Variants in CYP4F8 observed in about 807,000 individuals in gnomAD.
The protein encoded by CYP4F8 is cytochrome P450 family 4 subfamily F member 8.
Under a neutral mutation model 55.0 loss-of-function variants are expected in CYP4F8, and 56 were observed. The observed-to-expected ratio is 1.02, with a 90% CI of 0.82 to 1.27. CYP4F8 has a LOEUF of 1.27. Ranked by LOEUF, CYP4F8 falls within the 50% of genes most tolerant of loss-of-function variation. The probability of loss-of-function intolerance (pLI) is 0.00; values close to 1 mark genes in which losing one functional copy is unlikely to be tolerated. For missense variants in CYP4F8, 680 were observed against 682.4 expected (o/e 1.00, Z 0.04); for synonymous variants, 288 against 267.3 (o/e 1.08, Z -0.76).
intron 2 of CYP4F8, among the ~76,000 whole-genome samples, chr19:15,617,106 C>T (rs911894954): frequency 6.6e-6 from 1 of 152,156 alleles, no homozygotes; most frequent in Non-Finnish European, 1.5e-5. Flanking sequence ...TGGGGACCAG[C>T]CCTGGGGACA....
intron 5 of CYP4F8, 44 bp downstream of exon 5, chr19:15,619,806 G>A: frequency 6.2e-7 from 1 of 1,604,502 alleles, no homozygotes; most frequent in Non-Finnish European, 8.5e-7. Flanking sequence ...CCTTGGGGTG[G>A]AGGGATCACA....
chr19:15,629,125 G>T (rs2239365), intron 12 of CYP4F8, 68 bp from the exon 13 acceptor site: 2 of 1,502,944 alleles, frequency 1.3e-6, no homozygotes, highest in East Asian at 2.5e-5. Context: ...TTCCGGGCCT[G>T]GTTCCTGGCG....
In CYP4F8 at chr19:15,628,397, A is replaced by G. The variant is rs777776596; in HGVS notation, c.1211A>G (p.Gln404Arg). ...CCTACATTCGCCCGCGGCTGCACCC[A>G]GGACGTGGTGCTCCCAGACAGCCGA... ...PIPTFARGCT[Q>R]DVVLPDSRVI... Residue 404 changes from glutamine (Q) to arginine (R), a missense_variant, in exon 10 of 13, where the codon CAG (glutamine) becomes CGG (arginine). Gln to Arg is a conservative substitution (Grantham distance 43). Transcript: ENST00000612078. 6 of 1,614,002 alleles carry G rather than the reference A, an allele frequency of 3.7e-6. No individual in the cohort carries two copies. In the Admixed American group the frequency reaches 6.7e-5, roughly 18 times the overall value.
intron 5 of CYP4F8, among the ~76,000 whole-genome samples, chr19:15,620,147 A>C (rs766775207): frequency 1.6e-4 from 24 of 152,228 alleles, no homozygotes; most frequent in Non-Finnish European, 3.1e-4. Context: ...GCCCTTCTGC[A>C]TGTGGATAGG....
intron 3 of CYP4F8, 156 bp downstream of exon 3, chr19:15,618,300 C>T (rs1183415245): frequency 4.4e-6 from 5 of 1,136,104 alleles, no homozygotes; most frequent in Non-Finnish European, 6.5e-6. Context: ...TAGTCACCAA[C>T]CCCAACCTCA....
rs1972219165 is a variant in CYP4F8, at chr19:15,623,287, C to T, written c.830C>T (p.Thr277Ile). The T allele has an allele frequency of 1.2e-6, 2 of 1,613,912 alleles. No homozygotes were observed. Among genetic ancestry groups the T allele is most frequent in the Admixed American group, 3.3e-5 (2 of 60,000 alleles). Residue 277 changes from threonine (T) to isoleucine (I), a missense_variant, in exon 7 of 13, where the codon ACC becomes ATC. Transcript: ENST00000612078. The part of the protein sequence containing the change: ...TDAVIQERRR[T>I]LTSQGVDDFL... ...GCCGTCATCCAGGAGCGGCGCCGCA[C>T]CCTCACTAGCCAGGGTGTTGATGAC... is the stretch of plus-strand genomic sequence containing the variant.
chr19:15,625,496 A>G (rs986582415), intron 9 of CYP4F8, among the ~76,000 whole-genome samples: 6 of 151,536 alleles, frequency 4.0e-5, no homozygotes, highest in African/African-American at 1.2e-4. Flanking sequence ...GCATGTATGT[A>G]TATATATGGT....
chr19:15,628,295 TCCTTAGGGACGA>T lies in CYP4F8; in HGVS notation c.1116-3_1124del, dbSNP rs780690667. 2 of 1,613,912 alleles carry T rather than the reference TCCTTAGGGACGA, an allele frequency of 1.2e-6. No individual in the cohort carries two copies. ...GCTCTCTGGATAATTGTTGGGTGTTTCCTTAGGGACGACCTGGCCCAGTTGCCCTTCCTGACC... is the reference window on the plus strand; with the variant it reads ...GCTCTCTGGATAATTGTTGGGTGTTTCCTGGCCCAGTTGCCCTTCCTGACC... On this transcript the variant is annotated splice_acceptor_variant and splice_polypyrimidine_tract_variant and coding_sequence_variant and intron_variant, in exon 10 of 13. Coordinates refer to ENST00000612078, the MANE Select transcript of CYP4F8 (RefSeq NM_007253.4). LOFTEE classifies it high-confidence loss of function.
At chr19:15,615,567 C>T (rs1336072267) in intron 1 of CYP4F8, 49 bp from the exon 2 acceptor site, 1 of 1,590,626 alleles carries the variant, frequency 6.3e-7, no homozygotes, top group East Asian at 2.3e-5. Context: ...GCTCCCCAGC[C>T]CCTTTCCTAG....
At chr19:15,616,093 TTCTCCTCACTCATTCC>T (rs1417768072) in intron 2 of CYP4F8, among the ~76,000 whole-genome samples, 779 of 49,744 alleles carry the variant, frequency 0.016, no homozygotes, top group Middle Eastern at 0.026. Context: ...CATTCACTCA[TTCTCCTCACTCATTCC>T]TCTCCTCACT....
intron 3 of CYP4F8, 100 bp downstream of exon 3, chr19:15,618,244 C>G: frequency 3.2e-6 from 5 of 1,556,156 alleles, no homozygotes; most frequent in Non-Finnish European, 4.4e-6. Context: ...GTACTCAGCC[C>G]CTTCCTTCCT....
At chr19:15,622,894 GA>G (rs1432566613) in intron 6 of CYP4F8, 1 of 601,126 alleles carries the variant, frequency 1.7e-6, no homozygotes, top group Admixed American at 3.0e-5. Flanking sequence ...TGTTTTATAA[GA>G]CAGAGAGAGG....
chr19:15,622,053 A>G (rs1972200445), intron 5 of CYP4F8, 166 bp from the exon 6 acceptor site: 1 of 842,916 alleles, frequency 1.2e-6, no homozygotes, highest in Admixed American at 3.2e-5. Flanking sequence ...ATCTCCTAAT[A>G]GTAACAGCTT....
intron 12 of CYP4F8, 85 bp downstream of exon 12, chr19:15,628,928 C>G (rs927422065): frequency 2.1e-6 from 3 of 1,426,208 alleles, no homozygotes; most frequent in African/African-American, 2.9e-5. Context: ...TGTAGGACCA[C>G]GTGTTTCTGT....
Position 15,615,693 on chromosome 19 carries a change from G to T in CYP4F8, c.77G>T (p.Gly26Val). The change falls in exon 2 of 13, where the codon GGG (glycine) becomes GTG (valine). Residue 26 changes from glycine to valine, a missense_variant. By Grantham distance (109) the Gly-to-Val change is moderately radical. Coordinates refer to ENST00000612078, the MANE Select transcript of CYP4F8 (RefSeq NM_007253.4). ...CCGTGGCTGCTCCTGCTGGTGGTCG[G>T]GGCCTCCTGGCTCCTGGCCCGCATC... ...ASPWLLLLVV[G>V]ASWLLARILA... The T allele has an allele frequency of 6.2e-7, 1 of 1,614,014 alleles. No homozygotes were observed.
At chr19:15,620,754 C>T (rs1599859196) in intron 5 of CYP4F8, among the ~76,000 whole-genome samples, 1 of 152,136 alleles carries the variant, frequency 6.6e-6, no homozygotes, top group South Asian at 2.1e-4. Context: ...AAAAGTAAAA[C>T]GTCCACCATG....
chr19:15,623,194 T>A lies in CYP4F8; in HGVS notation c.737T>A (p.Leu246Gln), dbSNP rs2144607299. ...NNQFFRYKDF[L>Q]YFLTPCGRRF... ...CAGTTCTTCCGGTACAAGGACTTCC[T>A]GTACTTCCTCACTCCCTGTGGACGG... Residue 246 changes from leucine (L) to glutamine (Q), a missense_variant, in exon 7 of 13, where the codon CTG becomes CAG. Leu to Gln is a moderately radical substitution (Grantham distance 113). Coordinates refer to ENST00000612078, the MANE Select transcript of CYP4F8 (RefSeq NM_007253.4). The A allele has an allele frequency of 6.2e-7, 1 of 1,614,134 alleles. No homozygotes were observed. The highest frequency in any genetic ancestry group is 2.2e-5 in the East Asian group (1 of 44,850).
intron 5 of CYP4F8, 117 bp downstream of exon 5, chr19:15,619,879 G>A: frequency 1.5e-6 from 2 of 1,312,918 alleles, no homozygotes; most frequent in South Asian, 1.5e-5. Flanking sequence ...CTTCCTCTCT[G>A]TGCCTTGATT....
chr19:15,615,469 C>G, intron 1 of CYP4F8, 147 bp from the exon 2 acceptor site: 37 of 822,324 alleles, frequency 4.5e-5, no homozygotes, highest in Non-Finnish European at 5.7e-5. Context: ...GTCACTTCTC[C>G]TCTCCCCTCT....
Sources: gnomAD v4.1 joint callset for allele counts (sites outside exome capture counted in the v4.1 genomes callset) on GRCh38, gnomAD v4.1.1 for gene constraint, MANE v1.5 for transcripts, NCBI Gene and HGNC (gene_info 2026-07-23, HGNC 2026-07-21) for gene names.